The following CCDC91 variants were observed in gnomAD, a reference collection of about 807,000 sequenced individuals.
CCDC91 encodes coiled-coil domain containing 91.
CCDC91 carries 48 observed loss-of-function variants against 63.2 expected under a neutral mutation model. The ratio of observed to expected loss-of-function variants is 0.76; its 90% CI spans 0.60 to 0.97. CCDC91 has a LOEUF of 0.97. Ranked by LOEUF, CCDC91 falls within the 50% of genes least tolerant of loss-of-function variation. The pLI, the probability that CCDC91 is intolerant of heterozygous loss-of-function variation, is 0.00. For synonymous variants in CCDC91, 167 were observed against 165.8 expected, an observed-to-expected ratio of 1.01 and a Z score of -0.06; for missense variants, 500 against 494.6, an observed-to-expected ratio of 1.01 and a Z score of -0.10.
intron 6 of CCDC91, among the ~76,000 whole-genome samples, chr12:28,314,875 A>T (rs543756106): frequency 7.9e-5 from 12 of 152,138 alleles, no homozygotes; most frequent in African/African-American, 2.9e-4. Flanking sequence ...AATGAGAGTC[A>T]CTGTGAGAGA....
chr12:28,320,005 A>G (rs536332942), intron 6 of CCDC91, among the ~76,000 whole-genome samples: 38 of 152,022 alleles, frequency 2.5e-4, no homozygotes, highest in African/African-American at 8.7e-4. Context: ...CTAAATCTTC[A>G]TACTTTCTTG....
chr12:28,306,990 G>A (rs759267195), intron 5 of CCDC91, 45 bp downstream of exon 5: 3 of 1,238,456 alleles, frequency 2.4e-6, no homozygotes, highest in South Asian at 2.7e-5. Context: ...GCAAATATTA[G>A]AAATTTGATA....
intron 11 of CCDC91, among the ~76,000 whole-genome samples, chr12:28,467,324 G>T (rs1300424145): frequency 6.6e-6 from 1 of 151,942 alleles, no homozygotes; most frequent in African/African-American, 2.4e-5. Flanking sequence ...GCTATGCTTA[G>T]ACAAAATGGA....
At chr12:28,475,236 TA>T (rs1951022418) in intron 11 of CCDC91, among the ~76,000 whole-genome samples, 3 of 152,118 alleles carry the variant, frequency 2.0e-5, no homozygotes, top group Admixed American at 6.6e-5. Flanking sequence ...TTCATTTTTT[TA>T]AGGCTTATTA....
chr12:28,463,588 A>G (rs1360336006), intron 11 of CCDC91, among the ~76,000 whole-genome samples: 1 of 152,202 alleles, frequency 6.6e-6, no homozygotes, highest in Non-Finnish European at 1.5e-5. Flanking sequence ...TGAAGAAAGG[A>G]CAGATAAACA....
intron 7 of CCDC91, among the ~76,000 whole-genome samples, chr12:28,370,313 C>T (rs1944535573): frequency 6.6e-6 from 1 of 152,206 alleles, no homozygotes; most frequent in Non-Finnish European, 1.5e-5. Context: ...TAAATCATGT[C>T]TCTCAAGTTC....
intron 8 of CCDC91, among the ~76,000 whole-genome samples, chr12:28,425,124 C>T (rs1461217123): frequency 3.9e-5 from 6 of 152,088 alleles, no homozygotes; most frequent in South Asian, 2.1e-4. Flanking sequence ...CTACTCTCCC[C>T]GCACCAGACT....
Position 28,257,193 on chromosome 12 carries a change from A to G in CCDC91, c.-14-9A>G, listed in dbSNP as rs751186808. The G allele has an allele frequency of 1.1e-5, 17 of 1,597,298 alleles. No homozygotes were observed. Among genetic ancestry groups the G allele is most frequent in the Non-Finnish European group, 1.5e-5 (17 of 1,165,212 alleles). ...GTGCGGGCTTGTTTCAATATCTTATATTTTTCAGGTGCCACTTGAAGAATG... is the reference window on the plus strand; with the variant it reads ...GTGCGGGCTTGTTTCAATATCTTATGTTTTTCAGGTGCCACTTGAAGAATG... On this transcript the variant is annotated splice_polypyrimidine_tract_variant and intron_variant, in intron 1 of 12. Coordinates refer to ENST00000536442, the MANE Select transcript of CCDC91 (RefSeq NM_018318.5).
At chr12:28,247,597 T>G (rs1945839461) in intron 1 of CCDC91, among the ~76,000 whole-genome samples, 2 of 152,080 alleles carry the variant, frequency 1.3e-5, no homozygotes, top group Non-Finnish European at 2.9e-5. Flanking sequence ...GAGAATGGAC[T>G]AGAAAGGAGC....
chr12:28,531,697 A>T (rs1396518418), intron 12 of CCDC91, among the ~76,000 whole-genome samples: 2 of 152,196 alleles, frequency 1.3e-5, no homozygotes, highest in African/African-American at 4.8e-5. Flanking sequence ...AGCAATTGCT[A>T]AAATAAAGTA....
intron 12 of CCDC91, among the ~76,000 whole-genome samples, chr12:28,506,783 C>T (rs568392412): frequency 1.3e-5 from 2 of 151,174 alleles, no homozygotes; most frequent in Non-Finnish European, 3.0e-5. Context: ...AGAGAACACT[C>T]ATAAAAGCCA....
At chr12:28,402,520 A>ATT (rs57398967) in intron 8 of CCDC91, among the ~76,000 whole-genome samples, 23 of 51,938 alleles carry the variant, frequency 4.4e-4, no homozygotes, top group African/African-American at 1.1e-3. Context: ...AGTTCCAGGA[A>ATT]TTTTTTTTTT....
At chr12:28,315,992 A>T (rs1203890293) in intron 6 of CCDC91, among the ~76,000 whole-genome samples, 3 of 151,958 alleles carry the variant, frequency 2.0e-5, no homozygotes, top group African/African-American at 4.8e-5. Context: ...TTCTATGAAC[A>T]TCTGAAATAC....
chr12:28,366,152 T>TA (rs370495257), intron 7 of CCDC91, among the ~76,000 whole-genome samples: 27 of 148,602 alleles, frequency 1.8e-4, no homozygotes, highest in South Asian at 4.2e-4. Flanking sequence ...TAGTACAGAT[T>TA]AAAAAAAAAA....
At chr12:28,478,274 A>G (rs2140832031) in intron 11 of CCDC91, among the ~76,000 whole-genome samples, 1 of 152,302 alleles carries the variant, frequency 6.6e-6, no homozygotes, top group African/African-American at 2.4e-5. Context: ...ATATAGACCA[A>G]TGGAACAGAA....
At chr12:28,192,739 GGGCATAT>G (rs1941368072) in intron 1 of CCDC91, among the ~76,000 whole-genome samples, 1 of 151,984 alleles carries the variant, frequency 6.6e-6, no homozygotes, top group South Asian at 2.1e-4. Flanking sequence ...TTTTTAAAAA[GGGCATAT>G]GTTGCTTTTT....
At chr12:28,522,328 C>A (rs554537420) in intron 12 of CCDC91, among the ~76,000 whole-genome samples, 25 of 152,240 alleles carry the variant, frequency 1.6e-4, no homozygotes, top group Non-Finnish European at 3.7e-4. Flanking sequence ...GGAATTTATC[C>A]TTTTCTTCTA....
chr12:28,409,502 A>G (rs1002085906), intron 8 of CCDC91, among the ~76,000 whole-genome samples: 10 of 152,006 alleles, frequency 6.6e-5, no homozygotes, highest in African/African-American at 9.7e-5. Flanking sequence ...TAACCTTCTC[A>G]AATACCAGCG....
At chr12:28,212,368 G>A (rs923428689) in intron 1 of CCDC91, among the ~76,000 whole-genome samples, 1 of 152,172 alleles carries the variant, frequency 6.6e-6, no homozygotes, top group Non-Finnish European at 1.5e-5. Context: ...AGGAAATGAA[G>A]TACAGAAATG....
Sources: allele counts gnomAD v4.1 joint callset (sites outside exome capture counted in the v4.1 genomes callset), GRCh38; gene constraint gnomAD v4.1.1; transcripts MANE v1.5; gene names NCBI Gene and HGNC (gene_info 2026-07-23, HGNC 2026-07-21).